Variants in ZNF574 observed in about 807,000 individuals in gnomAD.
ZNF574 encodes the protein zinc finger protein 574.
Under a neutral mutation model 56.6 loss-of-function variants are expected in ZNF574, and 25 were observed. That is an observed-to-expected ratio of 0.44 (90% CI 0.32 to 0.62). The LOEUF is 0.62. ZNF574 is among the 20% of genes least tolerant of loss of function. ZNF574 has a pLI of 0.04. For synonymous variants in ZNF574, 543 were observed against 492.1 expected (o/e 1.10, Z -1.37); for missense variants, 1,065 against 1,218.9 (o/e 0.87, Z 1.88).
chr19:42,076,950 AGT>A (rs763074670), intron 1 of ZNF574, among the ~76,000 whole-genome samples: 3 of 152,126 alleles, frequency 2.0e-5, no homozygotes, highest in Non-Finnish European at 4.4e-5. Flanking sequence ...AGAAGGATTA[AGT>A]GTATTTTAAA....
upstream of ZNF574, among the ~76,000 whole-genome samples, chr19:42,072,023 A>G (rs1373570465): frequency 2.0e-5 from 3 of 151,600 alleles, no homozygotes; most frequent in East Asian, 5.9e-4. Context: ...AACAAAAAAC[A>G]AAAACCAACC....
At chr19:42,069,917 G>C (rs559762437) in intron 1 of ZNF574, among the ~76,000 whole-genome samples, 198 of 152,244 alleles carry the variant, frequency 1.3e-3, no homozygotes, top group African/African-American at 4.5e-3. Context: ...GCCAAGAAGG[G>C]GGCAAATGAG....
In ZNF574 at chr19:42,079,789, C is replaced by T. The variant is rs756335478; in HGVS notation, c.1183C>T (p.Pro395Ser). Reference sequence around the variant, plus strand: ...CACCCCGAATCCTCTGCATTCATGTCCATGTGGGAAGACCTTTGTCAACCT... The same window carrying T: ...CACCCCGAATCCTCTGCATTCATGTTCATGTGGGAAGACCTTTGTCAACCT... Reference protein sequence around the residue: ...AHTPNPLHSCPCGKTFVNLTK... With the variant: ...AHTPNPLHSCSCGKTFVNLTK... The change falls in exon 2 of 2, where the codon CCA becomes TCA. Residue 395 changes from proline (P) to serine (S), a missense_variant. Transcript: ENST00000359044. The surrounding 1 kb of genome is among the most constrained non-coding windows in gnomAD (Gnocchi z 4.3). The T allele has an allele frequency of 1.9e-6, 3 of 1,614,146 alleles. No individual in the cohort carries two copies. Among genetic ancestry groups the T allele is most frequent in the Non-Finnish European group, 2.5e-6 (3 of 1,180,018 alleles).
upstream of ZNF574, among the ~76,000 whole-genome samples, chr19:42,072,226 T>C (rs2076429414): frequency 6.6e-6 from 1 of 151,126 alleles, no homozygotes; most frequent in Admixed American, 6.6e-5. Context: ...TTTTCTTTTT[T>C]TTTCCTTTTC....
intron 1 of ZNF574, among the ~76,000 whole-genome samples, chr19:42,077,508 C>G (rs942965993): frequency 6.6e-6 from 1 of 151,982 alleles, no homozygotes; most frequent in Admixed American, 6.6e-5. Flanking sequence ...AGGGGGGGCT[C>G]TGTTTGCAAG....
chr19:42,081,186 G>C lies in ZNF574; in HGVS notation c.2580G>C (p.Glu860Asp), dbSNP rs1450624874. The change falls in exon 2 of 2, where the codon GAG (glutamate) becomes GAC (aspartate). Residue 860 changes from glutamate (E) to aspartate (D), a missense_variant. Coordinates refer to ENST00000359044, the MANE Select transcript of ZNF574 (RefSeq NM_022752.6). ...AAVRQQLAEAEAAVGLAVMET... is the reference protein window; with the variant it reads ...AAVRQQLAEADAAVGLAVMET... ...TGCGGCAGCAGCTGGCAGAGGCGGAGGCTGCCGTTGGCCTGGCCGTCATGG... is the reference window on the plus strand; with the variant it reads ...TGCGGCAGCAGCTGGCAGAGGCGGACGCTGCCGTTGGCCTGGCCGTCATGG... 2 of 1,613,966 alleles carry C rather than the reference G, an allele frequency of 1.2e-6. No individual in the cohort carries two copies. Among genetic ancestry groups the C allele is most frequent in the Non-Finnish European group, 1.7e-6 (2 of 1,180,046 alleles).
At chr19:42,075,585 G>T (rs892429060), upstream of ZNF574, among the ~76,000 whole-genome samples, 7 of 152,068 alleles carry the variant, frequency 4.6e-5, no homozygotes, top group Non-Finnish European at 7.4e-5. Context: ...CTGGAACCTT[G>T]GTTTCCCTTT....
At position 42,079,303 on chromosome 19, in the gene ZNF574, C is replaced by T; in HGVS notation, c.697C>T (p.Gln233Ter). ...FQLPADFLEH[Q>*]ATHFPAPVPE... ...GCTGCCGGCGGATTTCCTGGAGCAC[C>T]AGGCCACTCACTTCCCTGCTCCTGT... The change falls in exon 2 of 2, where the codon CAG (glutamine) becomes TAG (stop). Residue 233 changes from glutamine to a stop codon, truncating the protein, a stop_gained. Coordinates refer to ENST00000359044, the MANE Select transcript of ZNF574 (RefSeq NM_022752.6). LOFTEE classifies it high-confidence loss of function. This position sits in a 1 kb window ranked among gnomAD's most constrained non-coding sequence, Gnocchi z 4.3. 1 of 1,613,998 alleles carries T rather than the reference C, an allele frequency of 6.2e-7. No individual in the cohort carries two copies. The highest frequency in any genetic ancestry group is 8.5e-7 in the Non-Finnish European group (1 of 1,179,986).
chr19:42,081,431 A>C lies in ZNF574; in HGVS notation c.*134A>C, dbSNP rs1568946970. ...ACCTTGTAAGTTCTAAATTGGATTT[A>C]TTCTCTCGTGAGGGGGGTGCTCTGG... On this transcript the variant is annotated 3_prime_UTR_variant, in exon 2 of 2. Transcript: ENST00000359044. 1 of 1,240,036 alleles carries C rather than the reference A, an allele frequency of 8.1e-7. No homozygotes were observed. 76.8% of individuals were successfully genotyped at this position (1,240,036 alleles called of 1,614,324 possible).
upstream of ZNF574, among the ~76,000 whole-genome samples, chr19:42,072,580 TC>T (rs2076431679): frequency 6.6e-6 from 1 of 151,554 alleles, no homozygotes; most frequent in Non-Finnish European, 1.5e-5. Context: ...TTTTTTTTTT[TC>T]TTTAGATGGA....
chr19:42,078,140 A>G (rs1454389065), intron 1 of ZNF574, among the ~76,000 whole-genome samples: 1 of 151,892 alleles, frequency 6.6e-6, no homozygotes, highest in Non-Finnish European at 1.5e-5. Flanking sequence ...TGGCTGGGAG[A>G]AACAGGTGGG....
chr19:42,072,322 C>T (rs1288578728), upstream of ZNF574, among the ~76,000 whole-genome samples: 2 of 149,438 alleles, frequency 1.3e-5, no homozygotes, highest in African/African-American at 5.0e-5. Flanking sequence ...GCAAGCTCTG[C>T]CTCCTGGGTT....
At chr19:42,068,983 A>G (rs1052025057) in intron 1 of ZNF574, 4 of 567,694 alleles carry the variant, frequency 7.0e-6, no homozygotes, top group African/African-American at 5.7e-5. Context: ...CCCAAGTAAG[A>G]GCAATCAGCC....
chr19:42,079,146 G>A lies in ZNF574; in HGVS notation c.540G>A (p.Glu180=), dbSNP rs140657389. 406 of 1,613,858 alleles carry A rather than the reference G, an allele frequency of 2.5e-4. No homozygotes were observed. The highest frequency in any genetic ancestry group is 5.0e-4 in the Admixed American group (30 of 59,994). ...TGGGCCAGGCCCGAGTGGCTGTGGA[G>A]CACTCATACCGAAAGGCAGAAGAGG... ...PPVGQARVAV[E]HSYRKAEEGG... is the part of the protein sequence containing the mutation. Residue 180 remains glutamate (E), a synonymous_variant, in exon 2 of 2, where the codon GAG becomes GAA. Transcript: ENST00000359044. This position sits in a 1 kb window ranked among gnomAD's most constrained non-coding sequence, Gnocchi z 4.3.
upstream of ZNF574, chr19:42,075,019 G>C (rs1860358092): frequency 6.6e-6 from 1 of 152,192 alleles, no homozygotes; most frequent in African/African-American, 2.4e-5. Flanking sequence ...GAGTTGCTGG[G>C]GTTACAGGCA....
At position 42,080,430 on chromosome 19, in the gene ZNF574, G is replaced by A. The variant is rs915633864; in HGVS notation, c.1824G>A (p.Lys608=). 26 of 1,614,080 alleles carry A rather than the reference G, an allele frequency of 1.6e-5. No individual in the cohort carries two copies. The highest frequency in any genetic ancestry group is 2.7e-5 in the African/African-American group (2 of 74,922). Residue 608 remains lysine, a synonymous_variant, in exon 2 of 2, where the codon AAG becomes AAA. Transcript: ENST00000359044. This position sits in a 1 kb window ranked among gnomAD's most constrained non-coding sequence, Gnocchi z 8.5. ...ATCACACAGGTGAATACCCCTACAA[G>A]TGTCGCGAGTGCCCCCGCTCCTTCT... The part of the protein sequence containing the change: ...RYHHTGEYPY[K]CRECPRSFLL...
At chr19:42,071,678 G>C (rs1443374798), upstream of ZNF574, among the ~76,000 whole-genome samples, 2 of 152,094 alleles carry the variant, frequency 1.3e-5, no homozygotes, top group Non-Finnish European at 2.9e-5. Context: ...ACCTGCCTCT[G>C]GGACTTTGCT....
chr19:42,078,546 C>T (rs748864322), intron 1 of ZNF574, 41 bp from the exon 2 acceptor site: 15 of 1,533,626 alleles, frequency 9.8e-6, no homozygotes, highest in Admixed American at 3.6e-5. Context: ...GCTGAGGAAT[C>T]GGTGACCTAA....
At position 42,081,325 on chromosome 19, in the gene ZNF574, C is replaced by G. The variant is rs529402600; in HGVS notation, c.*28C>G. 2 of 1,613,890 alleles carry G rather than the reference C, an allele frequency of 1.2e-6. No individual in the cohort carries two copies. Among genetic ancestry groups the G allele is most frequent in the Non-Finnish European group, 1.7e-6 (2 of 1,179,964 alleles). On this transcript the variant is annotated 3_prime_UTR_variant, in exon 2 of 2. Transcript: ENST00000359044. Reference sequence around the variant, plus strand: ...CTGCCCGACTTCCTCTTTGGCACCTCCATTCCCTGTTGCTGAAGGCCCTCC... The same window carrying G: ...CTGCCCGACTTCCTCTTTGGCACCTGCATTCCCTGTTGCTGAAGGCCCTCC...
Sources: gnomAD v4.1 joint callset for allele counts (sites outside exome capture counted in the v4.1 genomes callset) on GRCh38, gnomAD v4.1.1 for gene constraint, Gnocchi (gnomAD v3.1) non-coding constraint, MANE v1.5 for transcripts, NCBI Gene and HGNC (gene_info 2026-07-23, HGNC 2026-07-21) for gene names.